BABAM2: variants seen among roughly 807,000 people sequenced by gnomAD.
The protein encoded by BABAM2 is BRISC and BRCA1-A complex member 2.
BABAM2 carries 31 observed loss-of-function variants against 54.7 expected under a neutral mutation model. The observed-to-expected ratio is 0.57, with a 90% CI of 0.43 to 0.77. The LOEUF (loss-of-function observed/expected upper bound fraction) is 0.77. BABAM2 is among the 30% of genes least tolerant of loss of function. BABAM2 has a pLI of 0.00. For synonymous variants in BABAM2, 167 were observed against 162.9 expected (o/e 1.03, Z -0.19); for missense variants, 364 against 455.8 (o/e 0.80, Z 1.83).
At chr2:27,939,838 A>AGAG (rs1668746721) in intron 3 of BABAM2, among the ~76,000 whole-genome samples, 1 of 152,210 alleles carries the variant, frequency 6.6e-6, no homozygotes, top group Admixed American at 6.5e-5. Context: ...GAGAGATGAG[A>AGAG]GAGGGCGTAT....
At chr2:28,307,411 T>G (rs1688654830) in intron 11 of BABAM2, among the ~76,000 whole-genome samples, 1 of 151,754 alleles carries the variant, frequency 6.6e-6, no homozygotes, top group Non-Finnish European at 1.5e-5. Context: ...GGGTTTTTTT[T>G]TTTTATTCCT....
intron 10 of BABAM2, among the ~76,000 whole-genome samples, chr2:28,254,014 A>G (rs752362520): frequency 2.0e-5 from 3 of 152,200 alleles, no homozygotes; most frequent in Non-Finnish European, 2.9e-5. Flanking sequence ...ACGTGATTTA[A>G]CCTGTTTAGA....
chr2:28,035,070 CA>C (rs1458144928), intron 5 of BABAM2, among the ~76,000 whole-genome samples: 1 of 151,776 alleles, frequency 6.6e-6, no homozygotes, highest in African/African-American at 2.4e-5. Context: ...AGAATTAGTA[CA>C]AAAAAACTCA....
chr2:28,086,570 A>T (rs938270389), intron 6 of BABAM2, among the ~76,000 whole-genome samples: 1 of 152,174 alleles, frequency 6.6e-6, no homozygotes, highest in Non-Finnish European at 1.5e-5. Context: ...GAGCTGATAG[A>T]GGTCTTCTTT....
chr2:28,138,612 A>G (rs1670748802), intron 7 of BABAM2, among the ~76,000 whole-genome samples: 1 of 152,104 alleles, frequency 6.6e-6, no homozygotes, highest in Non-Finnish European at 1.5e-5. Context: ...TTCATATGTA[A>G]TATTTAAAGT....
intron 6 of BABAM2, among the ~76,000 whole-genome samples, chr2:28,072,511 A>G (rs942440297): frequency 6.6e-6 from 1 of 151,286 alleles, no homozygotes; most frequent in Non-Finnish European, 1.5e-5. Flanking sequence ...TCAGCCTCCC[A>G]AGTAGCTGGG....
chr2:28,228,883 C>A (rs560611047), intron 7 of BABAM2, among the ~76,000 whole-genome samples: 23 of 152,266 alleles, frequency 1.5e-4, no homozygotes, highest in Middle Eastern at 3.4e-3. Flanking sequence ...AACAAACTTA[C>A]AAAACACATT....
At chr2:28,161,253 GT>G (rs1221782849) in intron 7 of BABAM2, among the ~76,000 whole-genome samples, 4 of 152,160 alleles carry the variant, frequency 2.6e-5, no homozygotes, top group African/African-American at 7.2e-5. Flanking sequence ...GCACATTCTT[GT>G]TTTGAGTTGC....
At chr2:28,314,662 G>C (rs929717149) in intron 11 of BABAM2, among the ~76,000 whole-genome samples, 1 of 152,222 alleles carries the variant, frequency 6.6e-6, no homozygotes, top group Non-Finnish European at 1.5e-5. Flanking sequence ...TGATGTGTAA[G>C]ATACAGTCCC....
At chr2:28,330,446 C>G (rs1352254260) in intron 11 of BABAM2, among the ~76,000 whole-genome samples, 16 of 152,132 alleles carry the variant, frequency 1.1e-4, no homozygotes, top group Non-Finnish European at 1.0e-4. Flanking sequence ...TTGTCTCAGC[C>G]CAAAAGCTTC....
intron 7 of BABAM2, among the ~76,000 whole-genome samples, chr2:28,199,106 G>A (rs1006665903): frequency 6.6e-6 from 1 of 152,092 alleles, no homozygotes; most frequent in African/African-American, 2.4e-5. Context: ...TGCACTTCTT[G>A]GATTCCTTTT....
intron 6 of BABAM2, among the ~76,000 whole-genome samples, chr2:28,077,080 C>T (rs1434704612): frequency 6.6e-6 from 1 of 152,098 alleles, no homozygotes; most frequent in East Asian, 1.9e-4. Flanking sequence ...CCTTTTCAGC[C>T]TTTAGGTTTT....
intron 11 of BABAM2, among the ~76,000 whole-genome samples, chr2:28,306,438 C>T (rs1360279241): frequency 6.6e-6 from 1 of 152,082 alleles, no homozygotes; most frequent in Non-Finnish European, 1.5e-5. Context: ...TAGGTCTTCT[C>T]AATAACTTGG....
intron 7 of BABAM2, among the ~76,000 whole-genome samples, chr2:28,198,671 C>T (rs1677905837): frequency 6.6e-6 from 1 of 152,136 alleles, no homozygotes; most frequent in African/African-American, 2.4e-5. Flanking sequence ...TGAGCCTGGG[C>T]CTGTGTTGCC....
intron 10 of BABAM2, among the ~76,000 whole-genome samples, chr2:28,257,899 G>A (rs922495896): frequency 2.0e-5 from 3 of 151,224 alleles, no homozygotes; most frequent in African/African-American, 4.9e-5. Flanking sequence ...AAAAGAAGCC[G>A]GGCGTGGTGG....
chr2:27,917,554 G>T (rs1667071693), intron 2 of BABAM2, among the ~76,000 whole-genome samples: 1 of 152,036 alleles, frequency 6.6e-6, no homozygotes, highest in Non-Finnish European at 1.5e-5. Context: ...GCTCCCTCAG[G>T]CCTCTTTTAT....
chr2:28,303,275 G>A (rs891144299), intron 11 of BABAM2, among the ~76,000 whole-genome samples: 2 of 152,086 alleles, frequency 1.3e-5, no homozygotes, highest in South Asian at 2.1e-4. Context: ...CTACTAGAAG[G>A]TCATGAAGAA....
chr2:28,134,571 C>A lies in BABAM2; in HGVS notation c.680+5191C>A, dbSNP rs192693496. 3.3e-5 allele frequency: 5 copies of A among 152,372 alleles called. No homozygotes were observed. In the East Asian group the frequency reaches 7.7e-4, roughly 23 times the overall value. The allele number at this position is 152,372 out of a possible 1,614,324, so 9.4% of individuals were successfully genotyped here. Reference sequence around the variant, plus strand: ...TCTGTGCATAAAAAGAGGACTTCAGCCCTGAGGCAGACCAGGTGGCATCTT... The same window carrying A: ...TCTGTGCATAAAAAGAGGACTTCAGACCTGAGGCAGACCAGGTGGCATCTT... On this transcript the variant is annotated intron_variant, in intron 7 of 11. Coordinates refer to ENST00000379624, the MANE Select transcript of BABAM2 (RefSeq NM_199191.3).
chr2:27,946,939 C>T (rs1039665949), intron 3 of BABAM2, among the ~76,000 whole-genome samples: 4 of 152,110 alleles, frequency 2.6e-5, no homozygotes, highest in African/African-American at 7.2e-5. Context: ...GTACTCATTT[C>T]CCCTTTCATT....
Sources: allele counts gnomAD v4.1 joint callset (sites outside exome capture counted in the v4.1 genomes callset), GRCh38; gene constraint gnomAD v4.1.1; transcripts MANE v1.5; gene names NCBI Gene and HGNC (gene_info 2026-07-23, HGNC 2026-07-21).